The following VEPH1 variants were observed in gnomAD, a reference collection of about 807,000 sequenced individuals.
The protein encoded by VEPH1 is ventricular zone expressed PH domain containing 1, also known as ventricular zone-expressed PH domain-containing protein homolog 1.
A neutral mutation model predicts 85.2 loss-of-function variants in VEPH1; 80 were observed. The observed-to-expected ratio is 0.94, with a 90% CI of 0.78 to 1.13. VEPH1 has a LOEUF of 1.13. Among genes scored for constraint, VEPH1 ranks in the 50% most tolerant of loss-of-function variants. VEPH1 has a pLI of 0.00. For missense variants in VEPH1, 955 were observed against 980.5 expected (o/e 0.97, Z 0.35); for synonymous variants, 297 against 348.0 (o/e 0.85, Z 1.63).
At chr3:157,401,919 C>G (rs750037135) in intron 6 of VEPH1, among the ~76,000 whole-genome samples, 1 of 152,114 alleles carries the variant, frequency 6.6e-6, no homozygotes, top group Non-Finnish European at 1.5e-5. Context: ...ATATGCTTGC[C>G]TGGAGAAAAC....
At chr3:157,347,782 C>T (rs537777097) in intron 9 of VEPH1, among the ~76,000 whole-genome samples, 1 of 152,322 alleles carries the variant, frequency 6.6e-6, no homozygotes, top group East Asian at 1.9e-4. Flanking sequence ...ACCTACAGTC[C>T]TCACTACTGG....
At chr3:157,386,015 T>C (rs1333444808) in intron 6 of VEPH1, among the ~76,000 whole-genome samples, 1 of 152,114 alleles carries the variant, frequency 6.6e-6, no homozygotes, top group East Asian at 1.9e-4. Flanking sequence ...ATCAGAAAAG[T>C]CTTTTAAGTA....
At chr3:157,334,835 T>A (rs963378543) in intron 9 of VEPH1, among the ~76,000 whole-genome samples, 2 of 152,094 alleles carry the variant, frequency 1.3e-5, no homozygotes, top group East Asian at 3.9e-4. Flanking sequence ...GGTAAAGGCA[T>A]GGAGGTGGGG....
intron 2 of VEPH1, chr3:157,489,093 T>C (rs1048269582): frequency 2.2e-6 from 1 of 456,378 alleles, no homozygotes; most frequent in Non-Finnish European, 4.4e-6. Flanking sequence ...CCTCTGCTTC[T>C]TCTTATCTGA....
intron 2 of VEPH1, among the ~76,000 whole-genome samples, chr3:157,484,030 A>T (rs191498722): frequency 7.2e-5 from 11 of 152,328 alleles, no homozygotes; most frequent in Admixed American, 4.6e-4. Flanking sequence ...AACTATATCT[A>T]GACATGTAAT....
At chr3:157,307,372 G>C (rs772230233) in intron 11 of VEPH1, among the ~76,000 whole-genome samples, 1 of 151,730 alleles carries the variant, frequency 6.6e-6, no homozygotes, top group Non-Finnish European at 1.5e-5. Context: ...TCTTCTAATT[G>C]TTATAAGATT....
chr3:157,292,865 G>A (rs1306615029), intron 11 of VEPH1, among the ~76,000 whole-genome samples: 2 of 146,848 alleles, frequency 1.4e-5, no homozygotes, highest in African/African-American at 5.0e-5. Flanking sequence ...TGCCTGTAAT[G>A]CCAGCTACTT....
intron 7 of VEPH1, among the ~76,000 whole-genome samples, chr3:157,371,449 CA>C (rs993424666): frequency 4.9e-4 from 74 of 152,234 alleles, no homozygotes; most frequent in African/African-American, 1.7e-3. Flanking sequence ...AAGGGATCAG[CA>C]AAAAGTGCAA....
At chr3:157,270,995 T>A (rs1430607054) in intron 12 of VEPH1, among the ~76,000 whole-genome samples, 1 of 152,114 alleles carries the variant, frequency 6.6e-6, no homozygotes, top group African/African-American at 2.4e-5. Flanking sequence ...CAGATAGGAT[T>A]TTCCAGATAG....
At chr3:157,421,200 G>A (rs974730942) in intron 5 of VEPH1, among the ~76,000 whole-genome samples, 1 of 152,176 alleles carries the variant, frequency 6.6e-6, no homozygotes, top group African/African-American at 2.4e-5. Flanking sequence ...ATGTTGAAGC[G>A]ATGCTACCTT....
At position 157,344,387 on chromosome 3, in the gene VEPH1, GACAA is replaced by G. The variant is rs1160931773; in HGVS notation, c.1735+18973_1735+18976del. 3.5e-4 allele frequency among the ~76,000 whole-genome samples: 54 copies of G among 152,238 alleles called. 1 individual carries two copies. The highest frequency in any genetic ancestry group is 6.8e-3 in the Middle Eastern group (2 of 294). On this transcript the variant is annotated intron_variant, in intron 9 of 13. Transcript: ENST00000362010. ...CAAGCATTCTTATACACCAATAACA[GACAA>G]ACAGAGAGCCAAATCATGAGTAAAC... is the stretch of plus-strand genomic sequence containing the variant.
chr3:157,264,447 A>C (rs961988376), intron 13 of VEPH1, among the ~76,000 whole-genome samples: 1 of 152,118 alleles, frequency 6.6e-6, no homozygotes, highest in Non-Finnish European at 1.5e-5. Flanking sequence ...TAAATCTCGT[A>C]TATGTCTTTA....
At chr3:157,338,931 C>T (rs1254293794) in intron 9 of VEPH1, among the ~76,000 whole-genome samples, 2 of 152,118 alleles carry the variant, frequency 1.3e-5, no homozygotes, top group Admixed American at 6.5e-5. Context: ...TGCTTTGTGC[C>T]TAGTGCTGTG....
chr3:157,488,503 CTTTCTT>C (rs1408407016), intron 2 of VEPH1, among the ~76,000 whole-genome samples: 2 of 134,208 alleles, frequency 1.5e-5, no homozygotes, highest in East Asian at 2.1e-4. Flanking sequence ...TTCTTTCTTT[CTTTCTT>C]TTTTTTTTTT....
chr3:157,292,983 CAAA>C (rs11349713), intron 11 of VEPH1, among the ~76,000 whole-genome samples: 19 of 110,076 alleles, frequency 1.7e-4, no homozygotes, highest in Non-Finnish European at 1.9e-4. Flanking sequence ...AACTCCACCT[CAAA>C]AAAAAAAAAA....
chr3:157,498,040 A>G (rs1187531410), intron 1 of VEPH1, among the ~76,000 whole-genome samples: 2 of 152,220 alleles, frequency 1.3e-5, no homozygotes, highest in Non-Finnish European at 2.9e-5. Context: ...AGTTTGGGGA[A>G]GTACAAGGGA....
intron 4 of VEPH1, among the ~76,000 whole-genome samples, chr3:157,451,442 A>C (rs1734958805): frequency 1.3e-5 from 2 of 152,326 alleles, no homozygotes; most frequent in East Asian, 1.9e-4. Context: ...ACTCTAAACA[A>C]CTTGAATAAA....
At chr3:157,460,087 C>T (rs1735704920) in intron 4 of VEPH1, 94 bp downstream of exon 4, 1 of 1,611,590 alleles carries the variant, frequency 6.2e-7, no homozygotes, top group East Asian at 2.2e-5. Context: ...TTCTAATACT[C>T]TAGGTCTTGC....
At chr3:157,307,984 C>T (rs1184713008) in intron 11 of VEPH1, among the ~76,000 whole-genome samples, 1 of 151,548 alleles carries the variant, frequency 6.6e-6, no homozygotes, top group Non-Finnish European at 1.5e-5. Context: ...TGCTTTTCTA[C>T]ATTTTCTATT....
Sources: gnomAD v4.1 joint callset for allele counts (sites outside exome capture counted in the v4.1 genomes callset) on GRCh38, gnomAD v4.1.1 for gene constraint, MANE v1.5 for transcripts, NCBI Gene and HGNC (gene_info 2026-07-23, HGNC 2026-07-21) for gene names.